TEX9: variants seen among roughly 807,000 people sequenced by gnomAD.
The protein encoded by TEX9 is testis expressed 9, also known as testis-expressed protein 9.
In TEX9, 74 loss-of-function variants were observed where a neutral mutation model predicts 59.6. That is an observed-to-expected ratio of 1.24 (90% CI 1.03 to 1.51). The LOEUF (loss-of-function observed/expected upper bound fraction) is 1.51. Ranked by LOEUF, TEX9 falls within the 40% of genes most tolerant of loss-of-function variation. The pLI, the probability that TEX9 is intolerant of heterozygous loss-of-function variation, is 0.00. For missense variants in TEX9, 522 were observed against 447.8 expected, an observed-to-expected ratio of 1.17 and a Z score of -1.49; for synonymous variants, 186 against 152.2, an observed-to-expected ratio of 1.22 and a Z score of -1.64.
chr15:56,454,634 T>C, the TEX9 span, among the ~76,000 whole-genome samples: 1 of 152,134 alleles, frequency 6.6e-6, no homozygotes, highest in Non-Finnish European at 1.5e-5. Flanking sequence ...TGAGTGAAAG[T>C]ACTGTTTTCA....
At chr15:56,431,414 G>C (rs145770150) in intron 12 of TEX9, 70 of 1,613,300 alleles carry the variant, frequency 4.3e-5, no homozygotes, top group Non-Finnish European at 5.7e-5. Context: ...TGCTCTTTAA[G>C]AAGTTTTAGC....
intron 1 of TEX9, among the ~76,000 whole-genome samples, chr15:56,287,995 A>G (rs1167339966): frequency 2.6e-5 from 4 of 152,198 alleles, no homozygotes; most frequent in Admixed American, 6.5e-5. Context: ...GAGTGCAGAC[A>G]TCTCTTTGAC....
chr15:56,300,708 G>GAGAGGGAGA (rs2045331855), intron 1 of TEX9, among the ~76,000 whole-genome samples: 1 of 102,672 alleles, frequency 9.7e-6, no homozygotes, highest in South Asian at 3.6e-4. Flanking sequence ...AGAGAGAGAG[G>GAGAGGGAGA]GAGAGAGAGA....
intron 1 of TEX9, among the ~76,000 whole-genome samples, chr15:56,345,816 G>A (rs1203990692): frequency 6.6e-6 from 1 of 152,322 alleles, no homozygotes; most frequent in East Asian, 1.9e-4. Context: ...TTTGGGGCAA[G>A]GAACAACTTG....
intron 1 of TEX9, among the ~76,000 whole-genome samples, chr15:56,267,355 G>T (rs1355567567): frequency 3.5e-4 from 54 of 152,160 alleles, no homozygotes; most frequent in African/African-American, 1.3e-3. Flanking sequence ...GTCTATTTTG[G>T]ATTTTCTTGC....
rs778477598 is a variant in TEX9 at position 56,365,728 on chromosome 15, A to T, written c.119+58A>T. ...TTCTTTCATCTGAATGAGGCTGCTT[A>T]CAAGTACTTTTTTCTGGAGACTGGC... On this transcript the variant is annotated intron_variant, in intron 2 of 12. Transcript: ENST00000352903. 5 of 1,604,834 alleles carry T rather than the reference A, an allele frequency of 3.1e-6. No homozygotes were observed. In the African/African-American group the frequency reaches 4.0e-5, roughly 13 times the overall value.
chr15:56,281,489 A>G (rs1050405984), intron 1 of TEX9, among the ~76,000 whole-genome samples: 3 of 152,196 alleles, frequency 2.0e-5, no homozygotes, highest in Non-Finnish European at 2.9e-5. Flanking sequence ...TGCGCTCCTT[A>G]TGAATCTAAT....
chr15:56,367,759 T>C (rs1399903964), intron 2 of TEX9, among the ~76,000 whole-genome samples: 2 of 152,216 alleles, frequency 1.3e-5, no homozygotes, highest in East Asian at 1.9e-4. Flanking sequence ...AATTCTTGCG[T>C]ATATAATTTG....
Position 56,434,404 on chromosome 15 carries a change from T to C in TEX9, c.*29+5931T>C, listed in dbSNP as rs1317698689. 2.5e-6 allele frequency: 4 copies of C among 1,602,332 alleles called. No homozygotes were observed. In the Admixed American group the frequency reaches 5.1e-5, roughly 20 times the overall value. On this transcript the variant is annotated intron_variant, in intron 12 of 12. Coordinates refer to ENST00000352903, the Ensembl canonical transcript of TEX9. ...TTCTTTTCTGCTTCTTCCTAAACAA[T>C]ACAGCTGAAAGTTAATTTAGTAACT...
intron 1 of TEX9, among the ~76,000 whole-genome samples, chr15:56,317,343 T>C (rs979351534): frequency 2.0e-5 from 3 of 152,250 alleles, no homozygotes; most frequent in African/African-American, 7.2e-5. Flanking sequence ...CATTCCCTTA[T>C]AGTCCTTTTG....
chr15:56,246,806 G>C (rs914576916), intron 1 of TEX9, among the ~76,000 whole-genome samples: 1 of 152,194 alleles, frequency 6.6e-6, no homozygotes, highest in South Asian at 2.1e-4. Flanking sequence ...CACTGATGTA[G>C]TGGGTTAGAA....
chr15:56,278,600 A>G (rs1291630300), intron 1 of TEX9, among the ~76,000 whole-genome samples: 1 of 152,144 alleles, frequency 6.6e-6, no homozygotes, highest in Non-Finnish European at 1.5e-5. Flanking sequence ...TATGGGTAGT[A>G]TTTTTGAAGC....
chr15:56,394,045 A>G, intron 7 of TEX9, 120 bp from the exon 8 acceptor site: 1 of 811,284 alleles, frequency 1.2e-6, no homozygotes, highest in East Asian at 2.9e-5. Flanking sequence ...CCTAACAGAT[A>G]TCTCCTATTT....
intron 1 of TEX9, among the ~76,000 whole-genome samples, chr15:56,338,779 A>T (rs1251805525): frequency 6.6e-6 from 1 of 151,970 alleles, no homozygotes; most frequent in East Asian, 1.9e-4. Flanking sequence ...TTAGCTGGGC[A>T]TGGTGGCGAG....
chr15:56,437,436 C>G (rs1408836267), intron 12 of TEX9, among the ~76,000 whole-genome samples: 1 of 152,108 alleles, frequency 6.6e-6, no homozygotes, highest in Non-Finnish European at 1.5e-5. Context: ...TAAAAACTCT[C>G]AATAAATTAG....
At chr15:56,383,408 T>TA (rs1487047490) in intron 3 of TEX9, among the ~76,000 whole-genome samples, 2 of 152,256 alleles carry the variant, frequency 1.3e-5, no homozygotes, top group Non-Finnish European at 2.9e-5. Flanking sequence ...TGTGTGCAGG[T>TA]AGTTGTTAAA....
chr15:56,422,466 C>T (rs1342857973), intron 10 of TEX9, among the ~76,000 whole-genome samples: 2 of 151,394 alleles, frequency 1.3e-5, no homozygotes, highest in African/African-American at 4.9e-5. Context: ...AGATCATTAT[C>T]TGTACTTCTT....
chr15:56,436,612 A>T (rs1374811995), intron 12 of TEX9, among the ~76,000 whole-genome samples: 2 of 152,206 alleles, frequency 1.3e-5, no homozygotes, highest in Non-Finnish European at 2.9e-5. Context: ...AGATCAGAGC[A>T]GAACTGAAGG....
chr15:56,406,751 C>T (rs143224569), intron 9 of TEX9, among the ~76,000 whole-genome samples: 124 of 152,062 alleles, frequency 8.2e-4, no homozygotes, highest in Middle Eastern at 3.4e-3. Context: ...TCTTCTTTTG[C>T]GATGTATTTG....
Sources: gnomAD v4.1 joint callset for allele counts (sites outside exome capture counted in the v4.1 genomes callset) on GRCh38, gnomAD v4.1.1 for gene constraint, MANE v1.5 for transcripts, NCBI Gene and HGNC (gene_info 2026-07-23, HGNC 2026-07-21) for gene names.